OSBPL7: variants seen among roughly 807,000 people sequenced by gnomAD.
OSBPL7 encodes the protein oxysterol-binding protein-related protein 7.
OSBPL7 carries 66 observed loss-of-function variants against 115.8 expected under a neutral mutation model. That is an observed-to-expected ratio of 0.57 (90% CI 0.47 to 0.70). The LOEUF is 0.70. Ranked by LOEUF, OSBPL7 falls within the 30% of genes least tolerant of loss-of-function variation. The pLI is 0.00. For synonymous variants in OSBPL7, 441 were observed against 439.2 expected (o/e 1.00, Z -0.05); for missense variants, 902 against 1,125.5 (o/e 0.80, Z 2.84).
intron 14 of OSBPL7, 44 bp from the exon 15 acceptor site, chr17:47,813,878 A>T: frequency 1.3e-6 from 2 of 1,562,268 alleles, no homozygotes; most frequent in Non-Finnish European, 1.7e-6. Flanking sequence ...GGCACCAGGC[A>T]TCCCAGACAT....
chr17:47,809,345 T>C lies in OSBPL7; in HGVS notation c.2014A>G (p.Thr672Ala). 1 of 1,613,966 alleles carries C rather than the reference T, an allele frequency of 6.2e-7. No homozygotes were observed. Among genetic ancestry groups the C allele is most frequent in the Non-Finnish European group, 8.5e-7 (1 of 1,179,880 alleles). ...GGTGGCACACACACCTTGCAGAAGG[T>C]GATCTTGCAGTGGCAGGAGCTGTCC... ...TQDSSCHCKI[T>A]FCKAKYWSSN... Residue 672 changes from threonine (T) to alanine (A), a missense_variant, in exon 19 of 23, where the codon ACC becomes GCC. Coordinates refer to ENST00000007414, the MANE Select transcript of OSBPL7 (RefSeq NM_145798.3).
chr17:47,816,976 G>A lies in OSBPL7; in HGVS notation c.703-104C>T. The A allele has an allele frequency of 8.8e-7, 1 of 1,132,182 alleles. No individual in the cohort carries two copies. The allele number at this position is 1,132,182 out of a possible 1,614,324, so 70.1% of individuals were successfully genotyped here. The stretch of plus-strand genomic sequence containing the variant: ...GACGGCCTCCTGCGCCATGGAGGAG[G>A]GCGCAGATTACCCAGCACAGAGGAT... On this transcript the variant is annotated intron_variant, in intron 8 of 22. Coordinates refer to ENST00000007414, the MANE Select transcript of OSBPL7 (RefSeq NM_145798.3). This position sits in a 1 kb window ranked among gnomAD's most constrained non-coding sequence, Gnocchi z 5.8.
chr17:47,809,325 C>A lies in OSBPL7; in HGVS notation c.2025+9G>T. 6.2e-7 allele frequency: 1 copy of A among 1,613,724 alleles called. No homozygotes were observed. Among genetic ancestry groups the A allele is most frequent in the African/African-American group, 1.3e-5 (1 of 75,044 alleles). Reference sequence around the variant, plus strand: ...GGATGGATGGGCAGGGTCAGGGTGGCACACACACCTTGCAGAAGGTGATCT... The same window carrying A: ...GGATGGATGGGCAGGGTCAGGGTGGAACACACACCTTGCAGAAGGTGATCT... On this transcript the variant is annotated intron_variant, in intron 19 of 22. Coordinates refer to ENST00000007414, the MANE Select transcript of OSBPL7 (RefSeq NM_145798.3).
At position 47,816,981 on chromosome 17, in the gene OSBPL7, A is replaced by G; in HGVS notation, c.703-109T>C. On this transcript the variant is annotated intron_variant, in intron 8 of 22. Transcript: ENST00000007414. The surrounding 1 kb of genome is among the most constrained non-coding windows in gnomAD (Gnocchi z 5.8). ...CCTCCTGCGCCATGGAGGAGGGCGC[A>G]GATTACCCAGCACAGAGGATGCGGC... 9.3e-7 allele frequency: 1 copy of G among 1,080,180 alleles called. No homozygotes were observed. The highest frequency in any genetic ancestry group is 1.4e-6 in the Non-Finnish European group (1 of 705,652). 66.9% of individuals were successfully genotyped at this position (1,080,180 alleles called of 1,614,324 possible). A position where few individuals can be genotyped will look rare whatever the true frequency, so the allele number is the denominator to read the frequency against.
chr17:47,809,219 G>T lies in OSBPL7; in HGVS notation c.2027C>A (p.Ala676Asp). Reference protein sequence around the residue: ...SCHCKITFCKAKYWSSNVHEV... With the variant: ...SCHCKITFCKDKYWSSNVHEV... The stretch of plus-strand genomic sequence containing the variant: ...GTGGACATTGGAACTCCAGTACTTG[G>T]CCTGGGGTGGGGAAGGCAGGGTTTA... The change falls in exon 20 of 23, where the codon GCC becomes GAC. Residue 676 changes from alanine (A) to aspartate (D), a missense_variant and splice_region_variant. Ala to Asp is a moderately radical substitution (Grantham distance 126). Transcript: ENST00000007414. 1.9e-6 allele frequency: 3 copies of T among 1,614,056 alleles called. No individual in the cohort carries two copies. Among genetic ancestry groups the T allele is most frequent in the Non-Finnish European group, 2.5e-6 (3 of 1,180,022 alleles).
Position 47,819,102 on chromosome 17 carries a change from GGGGGTGAAGTGTTGGTAGA to G in OSBPL7, c.256-22_256-4del, listed in dbSNP as rs1203446965. On this transcript the variant is annotated splice_region_variant and splice_polypyrimidine_tract_variant and intron_variant, in intron 4 of 22. Transcript: ENST00000007414. ...CCATGGAGCTTCCCCTTGGTGATCTGGGGGTGAAGTGTTGGTAGAGGGAGAGGGGACCTGTTTTAGGCTC... is the reference window on the plus strand; with the variant it reads ...CCATGGAGCTTCCCCTTGGTGATCTGGGGAGAGGGGACCTGTTTTAGGCTC... 1 of 1,612,672 alleles carries G rather than the reference GGGGGTGAAGTGTTGGTAGA, an allele frequency of 6.2e-7. No individual in the cohort carries two copies. Among genetic ancestry groups the G allele is most frequent in the Non-Finnish European group, 8.5e-7 (1 of 1,178,754 alleles).
In OSBPL7 at chr17:47,814,608, C is replaced by G. The variant is rs377381336; in HGVS notation, c.1264G>C (p.Glu422Gln). The G allele has an allele frequency of 1.9e-5, 30 of 1,613,850 alleles. No individual in the cohort carries two copies. Among genetic ancestry groups the G allele is most frequent in the Non-Finnish European group, 2.4e-5 (28 of 1,179,938 alleles). Residue 422 changes from glutamate to glutamine, a missense_variant, in exon 14 of 23, where the codon GAG becomes CAG. Glu to Gln is a conservative substitution (Grantham distance 29). Coordinates refer to ENST00000007414, the MANE Select transcript of OSBPL7 (RefSeq NM_145798.3). ...SASSSENEGS[E>Q]EEESCTSEIT... ...TCACTGGTACAGGACTCCTCCTCCT[C>G]TGAGCCCTGGGCCAGGACAGATGAC... is the stretch of plus-strand genomic sequence containing the variant.
At chr17:47,820,772 C>T (rs1239387931) in intron 1 of OSBPL7, 1 of 153,778 alleles carries the variant, frequency 6.5e-6, no homozygotes. Context: ...CTCCTCAATC[C>T]AGCTGCCTCT....
In OSBPL7 at chr17:47,814,614, C is replaced by T. The variant is rs752043149; in HGVS notation, c.1258G>A (p.Gly420Ser). The change falls in exon 14 of 23, where the codon GGC becomes AGC. Residue 420 changes from glycine (G) to serine (S), a missense_variant and splice_region_variant. Coordinates refer to ENST00000007414, the MANE Select transcript of OSBPL7 (RefSeq NM_145798.3). ...LLSASSSENEGSEEEESCTSE... is the reference protein window; with the variant it reads ...LLSASSSENESSEEEESCTSE... The stretch of plus-strand genomic sequence containing the variant: ...GTACAGGACTCCTCCTCCTCTGAGC[C>T]CTGGGCCAGGACAGATGACAGGCCG... 1 of 1,613,896 alleles carries T rather than the reference C, an allele frequency of 6.2e-7. No individual in the cohort carries two copies. The highest frequency in any genetic ancestry group is 8.5e-7 in the Non-Finnish European group (1 of 1,179,912).
intron 7 of OSBPL7, 37 bp from the exon 8 acceptor site, chr17:47,817,396 A>AT (rs377138184): frequency 0.011 from 13,417 of 1,239,788 alleles, 46 homozygotes; most frequent in African/African-American, 0.04. Context: ...AACACCATTC[A>AT]TTTTTTTTTT....
chr17:47,815,753 C>A (rs1316881244), intron 12 of OSBPL7: 2 of 315,880 alleles, frequency 6.3e-6, no homozygotes, highest in Non-Finnish European at 1.2e-5. Context: ...AGATTTGAAC[C>A]CGTGGAACGT....
At chr17:47,814,479 A>ACCCGCCCCCCCCCCCCCC in intron 14 of OSBPL7, 42 bp downstream of exon 14, 1 of 1,086,692 alleles carries the variant, frequency 9.2e-7, no homozygotes, top group Non-Finnish European at 1.4e-6. Flanking sequence ...CTGTTTTTCC[A>ACCCGCCCCCCCCCCCCCC]CCCGCCTCCC....
At chr17:47,815,460 C>T in intron 12 of OSBPL7, 108 bp from the exon 13 acceptor site, 2 of 1,456,160 alleles carry the variant, frequency 1.4e-6, no homozygotes, top group Non-Finnish European at 1.9e-6. Flanking sequence ...TAACCGGGCA[C>T]TTTTGCTGAG....
In OSBPL7 at chr17:47,809,206, A is replaced by G. The variant is rs779401465; in HGVS notation, c.2040T>C (p.Ser680=). ...CGCCCTGCACCTCGTGGACATTGGA[A>G]CTCCAGTACTTGGCCTGGGGTGGGG... ...KITFCKAKYW[S]SNVHEVQGAV... The change falls in exon 20 of 23, where the codon AGT becomes AGC. Residue 680 remains serine, a synonymous_variant. Coordinates refer to ENST00000007414, the MANE Select transcript of OSBPL7 (RefSeq NM_145798.3). The G allele has an allele frequency of 1.9e-6, 3 of 1,613,882 alleles. No homozygotes were observed. The South Asian group carries it at 3.3e-5, about 18-fold the overall frequency.
At chr17:47,810,558 G>A in intron 18 of OSBPL7, 36 bp downstream of exon 18, 1 of 1,577,032 alleles carries the variant, frequency 6.3e-7, no homozygotes, top group Non-Finnish European at 8.7e-7. Context: ...GATTGCCTGT[G>A]GCTTGGCCTG....
rs1470178847 is a variant in OSBPL7 at position 47,816,052 on chromosome 17, G to A, written c.1119+55C>T. 2.7e-6 allele frequency: 4 copies of A among 1,462,592 alleles called. No homozygotes were observed. Among genetic ancestry groups the A allele is most frequent in the Admixed American group, 2.3e-5 (1 of 42,834 alleles). 90.6% of individuals were successfully genotyped at this position (1,462,592 alleles called of 1,614,324 possible). ...CCCACTGCCCTGGGCCTTGGCTTTC[G>A]CTGGGAGAGAAGGCACAGGAGAATC... On this transcript the variant is annotated intron_variant, in intron 12 of 22. Coordinates refer to ENST00000007414, the MANE Select transcript of OSBPL7 (RefSeq NM_145798.3). This position sits in a 1 kb window ranked among gnomAD's most constrained non-coding sequence, Gnocchi z 5.8.
In OSBPL7 at chr17:47,808,280, C is replaced by G; in HGVS notation, c.*11G>C. 1 of 1,596,986 alleles carries G rather than the reference C, an allele frequency of 6.3e-7. No homozygotes were observed. Among genetic ancestry groups the G allele is most frequent in the Non-Finnish European group, 8.6e-7 (1 of 1,165,928 alleles). On this transcript the variant is annotated 3_prime_UTR_variant, in exon 23 of 23. Coordinates refer to ENST00000007414, the MANE Select transcript of OSBPL7 (RefSeq NM_145798.3). This position sits in a 1 kb window ranked among gnomAD's most constrained non-coding sequence, Gnocchi z 6.1. ...GTGAGGAACCAGAGCCTCCTGCCCC[C>G]GGGGCCAGGGCTACCAGAGCACGGC...
Position 47,816,753 on chromosome 17 carries a change from C to T in OSBPL7, c.795+27G>A, listed in dbSNP as rs75610013. ...GCCTCCTTAGAGCATCCTGCCCCAG[C>T]TACGTGAGGTGCATGCCCGACCTCA... On this transcript the variant is annotated intron_variant, in intron 9 of 22. Coordinates refer to ENST00000007414, the MANE Select transcript of OSBPL7 (RefSeq NM_145798.3). The surrounding 1 kb of genome is among the most constrained non-coding windows in gnomAD (Gnocchi z 5.8). The T allele has an allele frequency of 2.5e-3, 4,041 of 1,614,114 alleles. 92 individuals carry two copies. In the African/African-American group the frequency reaches 0.047, roughly 19 times the overall value.
chr17:47,810,275 T>C (rs2032999306), intron 18 of OSBPL7, among the ~76,000 whole-genome samples: 1 of 152,212 alleles, frequency 6.6e-6, no homozygotes, highest in South Asian at 2.1e-4. Context: ...TGTGTGTGTA[T>C]GTGTACACAT....
Sources: gnomAD v4.1 joint callset for allele counts (sites outside exome capture counted in the v4.1 genomes callset) on GRCh38, gnomAD v4.1.1 for gene constraint, Gnocchi (gnomAD v3.1) non-coding constraint, MANE v1.5 for transcripts, NCBI Gene and HGNC (gene_info 2026-07-23, HGNC 2026-07-21) for gene names.